ERI1: variants seen among roughly 807,000 people sequenced by gnomAD.
The protein encoded by ERI1 is exoribonuclease 1.
Under a neutral mutation model 39.7 loss-of-function variants are expected in ERI1, and 39 were observed. The ratio of observed to expected loss-of-function variants is 0.98; its 90% CI spans 0.76 to 1.28. ERI1 has a LOEUF of 1.28. Among genes scored for constraint, ERI1 ranks in the 50% most tolerant of loss-of-function variants. ERI1 has a pLI of 0.00. For missense variants in ERI1, 581 were observed against 416.9 expected, an observed-to-expected ratio of 1.39 and a Z score of -3.43; for synonymous variants, 204 against 149.6, an observed-to-expected ratio of 1.36 and a Z score of -2.65.
intron 3 of ERI1, among the ~76,000 whole-genome samples, chr8:9,049,181 C>G (rs1409846280): frequency 6.6e-6 from 1 of 150,918 alleles, no homozygotes; most frequent in Non-Finnish European, 1.5e-5. Flanking sequence ...ACTAAAAATA[C>G]AAAAATTTGC....
At chr8:9,038,996 A>C (rs1797938457) in intron 3 of ERI1, among the ~76,000 whole-genome samples, 1 of 152,220 alleles carries the variant, frequency 6.6e-6, no homozygotes, top group South Asian at 2.1e-4. Context: ...AGCTGACAGC[A>C]TGATTAGTTT....
chr8:9,059,407 CG>C, intron 3 of ERI1, among the ~76,000 whole-genome samples: 1 of 151,696 alleles, frequency 6.6e-6, no homozygotes, highest in African/African-American at 2.4e-5. Flanking sequence ...GGAGAGATAA[CG>C]GGCGATGTTT....
At chr8:9,023,299 C>T (rs1341611482) in intron 6 of ERI1, among the ~76,000 whole-genome samples, 2 of 152,064 alleles carry the variant, frequency 1.3e-5, no homozygotes, top group Non-Finnish European at 1.5e-5. Flanking sequence ...TCAGAGGTGT[C>T]TCTGTCTTTT....
intron 3 of ERI1, among the ~76,000 whole-genome samples, chr8:9,015,950 T>A (rs1185809745): frequency 6.6e-6 from 1 of 152,186 alleles, no homozygotes; most frequent in East Asian, 1.9e-4. Context: ...CAGGCTGGCA[T>A]TTCTTCAAAA....
At position 9,031,694 on chromosome 8, in the gene ERI1, C is replaced by G. The variant is rs1392780528; in HGVS notation, c.*1660C>G. The G allele has an allele frequency of 6.6e-6, 1 of 152,176 alleles. No individual in the cohort carries two copies. The highest frequency in any genetic ancestry group is 1.5e-5 in the Non-Finnish European group (1 of 68,030). The allele number at this position is 152,176 out of a possible 1,614,324, so 9.4% of individuals were successfully genotyped here. A position where few individuals can be genotyped will look rare whatever the true frequency, so the allele number is the denominator to read the frequency against. On this transcript the variant is annotated 3_prime_UTR_variant, in exon 7 of 7. Transcript: ENST00000250263. ...TGCCTGTTTTCACTTTCGCCAAGTACCAACAAGCTCATGTTGTATTTCTTT... is the reference window on the plus strand; with the variant it reads ...TGCCTGTTTTCACTTTCGCCAAGTAGCAACAAGCTCATGTTGTATTTCTTT...
At chr8:9,021,395 C>A (rs1231023415) in intron 6 of ERI1, among the ~76,000 whole-genome samples, 1 of 152,098 alleles carries the variant, frequency 6.6e-6, no homozygotes, top group African/African-American at 2.4e-5. Flanking sequence ...TCCTTTAATT[C>A]TCATGCATTA....
chr8:9,097,933 C>G (rs1163039461), intron 3 of ERI1, among the ~76,000 whole-genome samples: 2 of 152,126 alleles, frequency 1.3e-5, no homozygotes, highest in Non-Finnish European at 2.9e-5. Context: ...TGGAATACTA[C>G]TCAGTCATAA....
At chr8:9,066,703 C>T (rs1434059228) in intron 3 of ERI1, among the ~76,000 whole-genome samples, 1 of 152,018 alleles carries the variant, frequency 6.6e-6, no homozygotes, top group East Asian at 1.9e-4. Context: ...ATTTTCTTAC[C>T]TGAAATTTAA....
At chr8:9,060,367 G>C (rs1798651650) in intron 3 of ERI1, among the ~76,000 whole-genome samples, 1 of 152,042 alleles carries the variant, frequency 6.6e-6, no homozygotes, top group Non-Finnish European at 1.5e-5. Context: ...TTCTGACTTG[G>C]GGCATGTTGA....
intron 6 of ERI1, among the ~76,000 whole-genome samples, chr8:9,028,690 C>G (rs188145807): frequency 3.3e-4 from 50 of 152,198 alleles, no homozygotes; most frequent in Non-Finnish European, 5.6e-4. Flanking sequence ...GTGGAGTGAT[C>G]TTGGCTCACT....
chr8:9,036,614 G>A (rs559331151), downstream of ERI1, among the ~76,000 whole-genome samples: 12 of 152,274 alleles, frequency 7.9e-5, no homozygotes, highest in African/African-American at 2.6e-4. Flanking sequence ...TATTGCAGTG[G>A]TCTGGAACTG....
intron 3 of ERI1, among the ~76,000 whole-genome samples, chr8:9,092,221 C>T (rs11785652): frequency 0.19 from 29,139 of 152,076 alleles, 3,157 homozygotes; most frequent in African/African-American, 0.27. Flanking sequence ...CTTCTCAAAG[C>T]GCTGAGATTA....
chr8:9,058,453 G>A (rs1472016774), intron 3 of ERI1, among the ~76,000 whole-genome samples: 2 of 152,198 alleles, frequency 1.3e-5, no homozygotes, highest in African/African-American at 4.8e-5. Flanking sequence ...GAATTCAGAA[G>A]GGGCAATGGT....
At chr8:9,013,301 C>G (rs13264637) in intron 3 of ERI1, among the ~76,000 whole-genome samples, 1 of 148,792 alleles carries the variant, frequency 6.7e-6, no homozygotes, top group Non-Finnish European at 1.5e-5. Flanking sequence ...AGGCGTGAGC[C>G]ACCATGCCCG....
At chr8:9,065,271 T>C (rs1197843856) in intron 3 of ERI1, among the ~76,000 whole-genome samples, 1 of 152,170 alleles carries the variant, frequency 6.6e-6, no homozygotes, top group East Asian at 1.9e-4. Context: ...TGTTTAGTTG[T>C]TTTTGCTTCT....
chr8:9,037,352 T>C (rs1797885821), downstream of ERI1, among the ~76,000 whole-genome samples: 1 of 152,196 alleles, frequency 6.6e-6, no homozygotes, highest in Admixed American at 6.5e-5. Flanking sequence ...TGATTCTGTT[T>C]TGTTAAAGAC....
At chr8:9,034,340 C>G (rs1482114287), downstream of ERI1, among the ~76,000 whole-genome samples, 1 of 152,224 alleles carries the variant, frequency 6.6e-6, no homozygotes, top group Admixed American at 6.5e-5. Context: ...ATGTGCTTCG[C>G]AGATACTATT....
intron 3 of ERI1, among the ~76,000 whole-genome samples, chr8:9,083,825 G>A (rs185918713): frequency 1.1e-3 from 174 of 151,626 alleles, no homozygotes; most frequent in Non-Finnish European, 1.4e-3. Context: ...ACAGAGTCTC[G>A]CTCTGTAGCC....
chr8:9,038,557 G>T (rs1797922814), intron 3 of ERI1, among the ~76,000 whole-genome samples: 1 of 152,140 alleles, frequency 6.6e-6, no homozygotes, highest in Non-Finnish European at 1.5e-5. Context: ...CTCAGTTCTG[G>T]ACCAGCTTGG....
Sources: gnomAD v4.1 joint callset for allele counts (sites outside exome capture counted in the v4.1 genomes callset) on GRCh38, gnomAD v4.1.1 for gene constraint, MANE v1.5 for transcripts, NCBI Gene and HGNC (gene_info 2026-07-23, HGNC 2026-07-21) for gene names.